The following C2CD4C variants were observed in gnomAD, a reference collection of about 807,000 sequenced individuals.
The protein encoded by C2CD4C is C2 calcium-dependent domain-containing protein 4C.
A neutral mutation model predicts 4.1 loss-of-function variants in C2CD4C; 3 were observed. The observed-to-expected ratio is 0.73, with a 90% CI of 0.33 to 1.88. The LOEUF (loss-of-function observed/expected upper bound fraction) is 1.88, where lower values mean the gene tolerates loss of function less well. Among genes scored for constraint, C2CD4C ranks in the 40% most tolerant of loss-of-function variants. C2CD4C has a pLI of 0.08. For synonymous variants in C2CD4C, 364 were observed against 290.4 expected, an observed-to-expected ratio of 1.25 and a Z score of -2.57; for missense variants, 664 against 621.5, an observed-to-expected ratio of 1.07 and a Z score of -0.73.
chr19:408,489 G>C, intron 1 of C2CD4C, 88 bp from the exon 2 acceptor site: 8 of 346,802 alleles, frequency 2.3e-5, no homozygotes, highest in South Asian at 3.0e-5. Context: ...TCCCGGCAGG[G>C]CCCTGCCGGC....
rs1190812826 is a variant in C2CD4C, at chr19:407,963, C to T, written c.399G>A (p.Gln133=). The change falls in exon 2 of 2, where the codon CAG becomes CAA. Residue 133 remains glutamine (Q), a synonymous_variant. Transcript: ENST00000332235. ...EEATDADPQA[Q]GAMSLPSVPK... ...GCACCGAGGGCAGGGACATGGCACC[C>T]TGGGCCTGGGGGTCGGCGTCAGTGG... The T allele has an allele frequency of 6.5e-7, 1 of 1,549,108 alleles. No homozygotes were observed. Among genetic ancestry groups the T allele is most frequent in the Non-Finnish European group, 8.7e-7 (1 of 1,146,490 alleles).
In C2CD4C at chr19:408,384, G is replaced by A. The variant is rs1670385073; in HGVS notation, c.-23C>T. 6 of 1,539,668 alleles carry A rather than the reference G, an allele frequency of 3.9e-6. No homozygotes were observed. The highest frequency in any genetic ancestry group is 5.3e-6 in the Non-Finnish European group (6 of 1,142,322). On this transcript the variant is annotated 5_prime_UTR_variant, in exon 2 of 2. Transcript: ENST00000332235. ...CATGGGGGCGGCAGGCAAGAGGCCCGGACAGGGGCTGCAGCGTCTGGGAAG... is the reference window on the plus strand; with the variant it reads ...CATGGGGGCGGCAGGCAAGAGGCCCAGACAGGGGCTGCAGCGTCTGGGAAG...
At position 407,046 on chromosome 19, in the gene C2CD4C, G is replaced by T; in HGVS notation, c.*50C>A. On this transcript the variant is annotated 3_prime_UTR_variant, in exon 2 of 2. Coordinates refer to ENST00000332235, the MANE Select transcript of C2CD4C (RefSeq NM_001136263.2). ...CCGCCAGCACCCGGTGTGGAGGAGAGACCGGGGTCTGCCCTCTGCACCCGA... is the reference window on the plus strand; with the variant it reads ...CCGCCAGCACCCGGTGTGGAGGAGATACCGGGGTCTGCCCTCTGCACCCGA... The T allele has an allele frequency of 6.8e-7, 1 of 1,471,466 alleles. No individual in the cohort carries two copies. The highest frequency in any genetic ancestry group is 1.4e-5 in the South Asian group (1 of 73,998). The allele number at this position is 1,471,466 out of a possible 1,614,324, so 91.2% of individuals were successfully genotyped here. A position where few individuals can be genotyped will look rare whatever the true frequency, so the allele number is the denominator to read the frequency against.
In C2CD4C at chr19:406,781, G is replaced by C. The variant is rs372117619; in HGVS notation, c.*315C>G. On this transcript the variant is annotated 3_prime_UTR_variant, in exon 2 of 2. Transcript: ENST00000332235. ...TTCTAGAACTCTGCGTGAAAGGCGC[G>C]AGGCAGTGTGGAGGGGCAAAGGGGG... The C allele has an allele frequency of 2.3e-5, 8 of 343,380 alleles. No individual in the cohort carries two copies. Among genetic ancestry groups the C allele is most frequent in the East Asian group, 1.2e-4 (2 of 16,990 alleles). The allele number at this position is 343,380 out of a possible 1,614,324, so 21.3% of individuals were successfully genotyped here.
At position 407,141 on chromosome 19, in the gene C2CD4C, G is replaced by C. The variant is rs374325885; in HGVS notation, c.1221C>G (p.Leu407=). 3.2e-6 allele frequency: 5 copies of C among 1,550,096 alleles called. No individual in the cohort carries two copies. The highest frequency in any genetic ancestry group is 4.4e-6 in the Non-Finnish European group (5 of 1,146,814). ...AGGTCAGGGGCAGCTCCTTCTCCCC[G>C]AGCAGCGTGTCCCGCTTGAGGCTGC... The part of the protein sequence containing the change: ...KGSSLKRDTL[L]GEKELPLTSL... The change falls in exon 2 of 2, where the codon CTC becomes CTG. Residue 407 remains leucine (L), a synonymous_variant. Coordinates refer to ENST00000332235, the MANE Select transcript of C2CD4C (RefSeq NM_001136263.2).
At position 407,390 on chromosome 19, in the gene C2CD4C, C is replaced by T. The variant is rs777085568; in HGVS notation, c.972G>A (p.Val324=). Residue 324 remains valine (V), a synonymous_variant, in exon 2 of 2, where the codon GTG becomes GTA. Coordinates refer to ENST00000332235, the MANE Select transcript of C2CD4C (RefSeq NM_001136263.2). ...EYEAGQARLR[V]HLLAAEGLYD... ...AGAGGCCCTCGGCGGCCAGCAGGTG[C>T]ACCCGCAGGCGGGCCTGGCCGGCCT... 6.5e-7 allele frequency: 1 copy of T among 1,537,260 alleles called. No homozygotes were observed. Among genetic ancestry groups the T allele is most frequent in the South Asian group, 1.2e-5 (1 of 83,872 alleles).
chr19:408,857 G>C (rs1974043595), intron 1 of C2CD4C, 149 bp downstream of exon 1: 1 of 153,098 alleles, frequency 6.5e-6, no homozygotes, highest in South Asian at 2.1e-4. Flanking sequence ...GTTCGGGGTG[G>C]GGGAAGGGAG....
In C2CD4C at chr19:407,416, C is replaced by G. The variant is rs905678829; in HGVS notation, c.946G>C (p.Glu316Gln). ...ACCCGCAGGCGGGCCTGGCCGGCCT[C>G]GTACTCGGCCAGCAGCCGCACGCTG... ...RGSVRLLAEY[E>Q]AGQARLRVHL... The change falls in exon 2 of 2, where the codon GAG (glutamate) becomes CAG (glutamine). Residue 316 changes from glutamate to glutamine, a missense_variant. Glu to Gln is a conservative substitution (Grantham distance 29, BLOSUM62 2). Transcript: ENST00000332235. 37 of 1,524,052 alleles carry G rather than the reference C, an allele frequency of 2.4e-5. No individual in the cohort carries two copies. In the Admixed American group the frequency reaches 5.8e-4, roughly 24 times the overall value. The allele number at this position is 1,524,052 out of a possible 1,614,324, so 94.4% of individuals were successfully genotyped here.
rs1252851583 is a variant in C2CD4C, at chr19:407,191, T to G, written c.1171A>C (p.Arg391=). The G allele has an allele frequency of 3.2e-6, 5 of 1,550,098 alleles. No homozygotes were observed. The highest frequency in any genetic ancestry group is 4.4e-6 in the Non-Finnish European group (5 of 1,146,868). The part of the protein sequence containing the change: ...GPASVRKLAL[R]IKVVNKGSSL... ...CTGCCCTTGTTCACCACCTTGATCC[T>G]GAGGGCCAGTTTCCGGACGCTGGCG... Residue 391 remains arginine (R), a synonymous_variant, in exon 2 of 2, where the codon AGG becomes CGG. Transcript: ENST00000332235.
chr19:408,724 C>T (rs1479204510), intron 1 of C2CD4C, among the ~76,000 whole-genome samples: 1 of 152,178 alleles, frequency 6.6e-6, no homozygotes, highest in East Asian at 1.9e-4. Flanking sequence ...AGCGCTCATT[C>T]CAAAGGGTTC....
In C2CD4C at chr19:406,852, TCTCCTC is replaced by T. The variant is rs113387360; in HGVS notation, c.*238_*243del. On this transcript the variant is annotated 3_prime_UTR_variant, in exon 2 of 2. Coordinates refer to ENST00000332235, the MANE Select transcript of C2CD4C (RefSeq NM_001136263.2). The stretch of plus-strand genomic sequence containing the variant: ...GCCCCTTCTCTTCCCCCGAGGCCCC[TCTCCTC>T]CTCCTCCTCCTCCTCCAAAGGAGAA... 8 of 489,310 alleles carry T rather than the reference TCTCCTC, an allele frequency of 1.6e-5. No homozygotes were observed. The highest frequency in any genetic ancestry group is 3.5e-5 in the East Asian group (1 of 28,864). The allele number at this position is 489,310 out of a possible 1,614,324, so 30.3% of individuals were successfully genotyped here. A position where few individuals can be genotyped will look rare whatever the true frequency, so the allele number is the denominator to read the frequency against.
rs1974036598 is a variant in C2CD4C, at chr19:408,491, C to A, written c.-40-90G>T. On this transcript the variant is annotated intron_variant, in intron 1 of 1. Transcript: ENST00000332235. Reference sequence around the variant, plus strand: ...TCCCTGTGGGGCCTCCCGGCAGGGCCCTGCCGGCGGGGTGGGGGTGGAGGG... The same window carrying A: ...TCCCTGTGGGGCCTCCCGGCAGGGCACTGCCGGCGGGGTGGGGGTGGAGGG... 7.7e-6 allele frequency: 6 copies of A among 777,608 alleles called. 1 individual carries two copies. In the South Asian group the frequency reaches 1.2e-4, roughly 16 times the overall value. The allele number at this position is 777,608 out of a possible 1,614,324, so 48.2% of individuals were successfully genotyped here.
rs1974011430 is a variant in C2CD4C, at chr19:407,560, T to C, written c.802A>G (p.Ser268Gly). 7.1e-7 allele frequency: 1 copy of C among 1,409,164 alleles called. No homozygotes were observed. Among genetic ancestry groups the C allele is most frequent in the Non-Finnish European group, 9.2e-7 (1 of 1,081,548 alleles). 87.3% of individuals were successfully genotyped at this position (1,409,164 alleles called of 1,614,324 possible). The change falls in exon 2 of 2, where the codon AGC becomes GGC. Residue 268 changes from serine to glycine, a missense_variant. By Grantham distance (56) the Ser-to-Gly change is moderately conservative. Transcript: ENST00000332235. ...CTCCCGGGGCTGGCGTCCGGGGTGC[T>C]GTCGTCCGCAGACAGGGAGCCGTGG... ...GRHGSLSADDSTPDASPGSRR... is the reference protein window; with the variant it reads ...GRHGSLSADDGTPDASPGSRR...
rs1263382418 is a variant in C2CD4C, at chr19:407,108, G to A, written c.1254C>T (p.Leu418=). Residue 418 remains leucine, a synonymous_variant, in exon 2 of 2, where the codon CTC becomes CTT. Coordinates refer to ENST00000332235, the MANE Select transcript of C2CD4C (RefSeq NM_001136263.2). ...GEKELPLTSL[L]PFL ...GCAGGTCCCCGCTCTACAGGAAGGGGAGCAGGGAGGTCAGGGGCAGCTCCT... is the reference window on the plus strand; with the variant it reads ...GCAGGTCCCCGCTCTACAGGAAGGGAAGCAGGGAGGTCAGGGGCAGCTCCT... The A allele has an allele frequency of 7.7e-6, 12 of 1,548,858 alleles. No homozygotes were observed. The highest frequency in any genetic ancestry group is 5.2e-6 in the Non-Finnish European group (6 of 1,146,140).
In C2CD4C at chr19:407,601, C is replaced by T. The variant is rs1168956964; in HGVS notation, c.761G>A (p.Arg254Gln). The change falls in exon 2 of 2, where the codon CGG (arginine) becomes CAG (glutamine). Residue 254 changes from arginine to glutamine, a missense_variant. Arg to Gln is a conservative substitution (Grantham distance 43). Transcript: ENST00000332235. ...GGAGCCGTGGCGGCCCACGGAGTGC[C>T]GGAGCTGGCTCACCTTGGCCTGGCT... ...QDSQAKVSQLRHSVGRHGSLS... is the reference protein window; with the variant it reads ...QDSQAKVSQLQHSVGRHGSLS... 8 of 1,442,178 alleles carry T rather than the reference C, an allele frequency of 5.5e-6. No individual in the cohort carries two copies. The highest frequency in any genetic ancestry group is 2.8e-5 in the East Asian group (1 of 35,600). 89.3% of individuals were successfully genotyped at this position (1,442,178 alleles called of 1,614,324 possible).
rs536367174 is a variant in C2CD4C at position 408,127 on chromosome 19, C to T, written c.235G>A (p.Ala79Thr). 9.7e-5 allele frequency: 142 copies of T among 1,466,124 alleles called. 1 individual carries two copies. In the South Asian group the frequency reaches 1.9e-3, roughly 19 times the overall value. The allele number at this position is 1,466,124 out of a possible 1,614,324, so 90.8% of individuals were successfully genotyped here. A position where few individuals can be genotyped will look rare whatever the true frequency, so the allele number is the denominator to read the frequency against. ...LGPSTSEQNLASAAPRQTPRS... is the reference protein window; with the variant it reads ...LGPSTSEQNLTSAAPRQTPRS... ...GGGGTCTGGCGGGGGGCCGCAGAGG[C>T]CAGGTTCTGTTCCGACGTGGAGGGG... Residue 79 changes from alanine (A) to threonine (T), a missense_variant, in exon 2 of 2, where the codon GCC (alanine) becomes ACC (threonine). Ala to Thr is a moderately conservative substitution (Grantham distance 58). Coordinates refer to ENST00000332235, the MANE Select transcript of C2CD4C (RefSeq NM_001136263.2).
At position 408,403 on chromosome 19, in the gene C2CD4C, T is replaced by A; in HGVS notation, c.-40-2A>T. On this transcript the variant is annotated splice_acceptor_variant, in intron 1 of 1. Coordinates refer to ENST00000332235, the MANE Select transcript of C2CD4C (RefSeq NM_001136263.2). LOFTEE classifies it low-confidence loss of function (5UTR_SPLICE). ...AGGCCCGGACAGGGGCTGCAGCGTCTGGGAAGAGAAGCAGGGGTCAGGAGC... is the reference window on the plus strand; with the variant it reads ...AGGCCCGGACAGGGGCTGCAGCGTCAGGGAAGAGAAGCAGGGGTCAGGAGC... The A allele has an allele frequency of 6.9e-7, 1 of 1,447,508 alleles. No homozygotes were observed. The highest frequency in any genetic ancestry group is 9.2e-7 in the Non-Finnish European group (1 of 1,087,286). 89.7% of individuals were successfully genotyped at this position (1,447,508 alleles called of 1,614,324 possible).
chr19:409,027 G>A lies in C2CD4C; in HGVS notation c.-62C>T, dbSNP rs990878702. 3 of 152,736 alleles carry A rather than the reference G, an allele frequency of 2.0e-5. No homozygotes were observed. The highest frequency in any genetic ancestry group is 1.9e-4 in the South Asian group (1 of 5,240). The allele number at this position is 152,736 out of a possible 1,614,324, so 9.5% of individuals were successfully genotyped here. On this transcript the variant is annotated 5_prime_UTR_variant, in exon 1 of 2. Transcript: ENST00000332235. The stretch of plus-strand genomic sequence containing the variant: ...TTACCTGCCCGGGGTGATGGCCCGA[G>A]GCCGGAGGTCTGTTCGCAGACACGC...
Position 407,426 on chromosome 19 carries a change from C to T in C2CD4C, c.936G>A (p.Leu312=), listed in dbSNP as rs1187252073. 1.1e-4 allele frequency: 168 copies of T among 1,513,528 alleles called. No individual in the cohort carries two copies. The highest frequency in any genetic ancestry group is 1.5e-4 in the Non-Finnish European group (166 of 1,136,384). The allele number at this position is 1,513,528 out of a possible 1,614,324, so 93.8% of individuals were successfully genotyped here. ...GGGCCTGGCCGGCCTCGTACTCGGCCAGCAGCCGCACGCTGCCCCGAGGGC... is the reference window on the plus strand; with the variant it reads ...GGGCCTGGCCGGCCTCGTACTCGGCTAGCAGCCGCACGCTGCCCCGAGGGC... ...HVGPRGSVRL[L]AEYEAGQARL... The change falls in exon 2 of 2, where the codon CTG becomes CTA. Residue 312 remains leucine (L), a synonymous_variant. Transcript: ENST00000332235.
Sources: allele counts gnomAD v4.1 joint callset (sites outside exome capture counted in the v4.1 genomes callset), GRCh38; gene constraint gnomAD v4.1.1; transcripts MANE v1.5; gene names NCBI Gene and HGNC (gene_info 2026-07-23, HGNC 2026-07-21).